Variants in NFATC1 observed in about 807,000 individuals in gnomAD.
NFATC1 encodes the protein nuclear factor of activated T-cells, cytoplasmic 1.
A neutral mutation model predicts 76.0 loss-of-function variants in NFATC1; 22 were observed. That is an observed-to-expected ratio of 0.29 (90% confidence interval 0.21 to 0.41). NFATC1 has a LOEUF of 0.41. Among genes scored for constraint, NFATC1 ranks in the 10% least tolerant of loss-of-function variants. The probability of loss-of-function intolerance (pLI) is 1.00; values close to 1 mark genes in which losing one functional copy is unlikely to be tolerated. For missense variants in NFATC1, 1,357 were observed against 1,337.7 expected, an observed-to-expected ratio of 1.01 and a Z score of -0.23; for synonymous variants, 704 against 613.1, an observed-to-expected ratio of 1.15 and a Z score of -2.19.
rs576276895 is a variant in NFATC1 at position 79,397,111 on chromosome 18, C to T, written c.127+760C>T. ...GCGCTGAGACCCCCCTGCGGCGCATCTCACATTCCAGTCCCCCACCTTAGC... is the reference window on the plus strand; with the variant it reads ...GCGCTGAGACCCCCCTGCGGCGCATTTCACATTCCAGTCCCCCACCTTAGC... On this transcript the variant is annotated intron_variant, in intron 1 of 9. Coordinates refer to ENST00000427363, the MANE Select transcript of NFATC1 (RefSeq NM_001278669.2). Among the ~76,000 whole-genome samples the T allele has an allele frequency of 4.6e-5, 7 of 152,262 alleles. No individual in the cohort carries two copies. In the South Asian group the frequency reaches 1.0e-3, roughly 23 times the overall value.
chr18:79,404,293 C>T (rs151287740), intron 1 of NFATC1, among the ~76,000 whole-genome samples: 27 of 152,278 alleles, frequency 1.8e-4, no homozygotes, highest in African/African-American at 5.8e-4. Flanking sequence ...TGCGCTGTGA[C>T]GAGGCCATCC....
At chr18:79,472,257 A>G (rs1158532493) in intron 8 of NFATC1, among the ~76,000 whole-genome samples, 1 of 152,126 alleles carries the variant, frequency 6.6e-6, no homozygotes, top group East Asian at 1.9e-4. Flanking sequence ...AGGCAGCAGA[A>G]CCGGCCCCTC....
chr18:79,516,785 G>A (rs574584343), intron 9 of NFATC1, among the ~76,000 whole-genome samples: 16 of 152,296 alleles, frequency 1.1e-4, no homozygotes, highest in African/African-American at 3.1e-4. Flanking sequence ...CACGATATAC[G>A]TACAGTGGAA....
chr18:79,437,570 G>A (rs751083845), intron 3 of NFATC1, among the ~76,000 whole-genome samples: 33 of 152,244 alleles, frequency 2.2e-4, no homozygotes, highest in Non-Finnish European at 4.3e-4. Flanking sequence ...AGCATTTCCA[G>A]TGAGGCATGA....
At chr18:79,488,666 C>T (rs978020158) in intron 9 of NFATC1, among the ~76,000 whole-genome samples, 1 of 152,242 alleles carries the variant, frequency 6.6e-6, no homozygotes. Context: ...CACAGATGGA[C>T]TCTGCCTTCC....
intron 9 of NFATC1, among the ~76,000 whole-genome samples, chr18:79,500,148 C>T (rs531950882): frequency 2.0e-5 from 3 of 152,090 alleles, no homozygotes; most frequent in Non-Finnish European, 2.9e-5. Context: ...CTACAGAGTG[C>T]ACATAGGATA....
chr18:79,473,571 GCGCT>G (rs2088878489), intron 8 of NFATC1, among the ~76,000 whole-genome samples: 4 of 127,270 alleles, frequency 3.1e-5, no homozygotes, highest in African/African-American at 9.4e-5. Context: ...GCGTGTTCTC[GCGCT>G]CACTGTCGAC....
rs959034445 is a variant in NFATC1, at chr18:79,454,187, C to T, written c.1903+2371C>T. On this transcript the variant is annotated intron_variant, in intron 6 of 9. Coordinates refer to ENST00000427363, the MANE Select transcript of NFATC1 (RefSeq NM_001278669.2). ...GTGGCTTCTCCAGGAAGGGCCCCTG[C>T]GTCTCTCGACTGTCCTGCTCATTCC... is the stretch of plus-strand genomic sequence containing the variant. 3.3e-5 allele frequency among the ~76,000 whole-genome samples: 5 copies of T among 152,290 alleles called. No individual in the cohort carries two copies. The East Asian group carries it at 7.7e-4, about 24-fold the overall frequency.
chr18:79,509,621 C>A (rs1158913074), intron 9 of NFATC1, among the ~76,000 whole-genome samples: 1 of 152,264 alleles, frequency 6.6e-6, no homozygotes, highest in Non-Finnish European at 1.5e-5. Flanking sequence ...GCAGTTTTGA[C>A]CACTTTGATT....
intron 2 of NFATC1, among the ~76,000 whole-genome samples, chr18:79,419,377 G>A (rs1453826612): frequency 6.6e-6 from 1 of 151,968 alleles, no homozygotes; most frequent in Admixed American, 6.5e-5. Flanking sequence ...CGAGTGCCCG[G>A]GAGCCCCCCT....
intron 1 of NFATC1, among the ~76,000 whole-genome samples, chr18:79,402,762 CCTTT>C (rs983127784): frequency 3.1e-4 from 47 of 152,310 alleles, no homozygotes; most frequent in African/African-American, 1.1e-3. Flanking sequence ...GCTGTTTTCT[CCTTT>C]CTTTTTATTA....
At chr18:79,527,324 G>A in intron 9 of NFATC1, 1 of 555,866 alleles carries the variant, frequency 1.8e-6, no homozygotes, top group Non-Finnish European at 3.2e-6. Context: ...CGGTCACTCT[G>A]GCGACCCCAG....
At chr18:79,521,554 G>A (rs1394059396) in intron 9 of NFATC1, among the ~76,000 whole-genome samples, 2 of 111,684 alleles carry the variant, frequency 1.8e-5, no homozygotes, top group African/African-American at 3.5e-5. Context: ...TGTGTGGGGG[G>A]GCATCCACTG....
At chr18:79,483,961 GGTGACCTGGTCCTGAGGTGTCACTCCAGC>G (rs1569018891) in intron 8 of NFATC1, among the ~76,000 whole-genome samples, 3 of 134,372 alleles carry the variant, frequency 2.2e-5, no homozygotes, top group African/African-American at 5.8e-5. Context: ...GTCACTCCAG[GGTGACCTGGTCCTGAGGTGTCACTCCAGC>G]GTGACCTGGT....
intron 1 of NFATC1, among the ~76,000 whole-genome samples, chr18:79,400,658 C>T (rs1179618126): frequency 2.2e-5 from 3 of 135,208 alleles, no homozygotes; most frequent in Non-Finnish European, 3.2e-5. Context: ...GGATGCGGTT[C>T]CTCCGAGCGC....
At chr18:79,405,360 G>A (rs1042095989) in intron 1 of NFATC1, among the ~76,000 whole-genome samples, 5 of 152,244 alleles carry the variant, frequency 3.3e-5, no homozygotes, top group African/African-American at 4.8e-5. Flanking sequence ...TGGGGTCACC[G>A]AGCTCTGTGG....
intron 9 of NFATC1, among the ~76,000 whole-genome samples, chr18:79,526,362 C>T (rs969034624): frequency 1.9e-4 from 29 of 152,266 alleles, no homozygotes; most frequent in Admixed American, 5.9e-4. Context: ...TGCCAGGTCC[C>T]GTCTTGGGCA....
In NFATC1 at chr18:79,448,974, A is replaced by T. The variant is rs760762417; in HGVS notation, c.1579A>T (p.Met527Leu). The change falls in exon 4 of 10, where the codon ATG becomes TTG. Residue 527 changes from methionine to leucine, a missense_variant. Met to Leu is a conservative substitution (Grantham distance 15). Transcript: ENST00000427363. ...LEIPLLPENS[M>L]RAVIDCAGIL... ...GATCCCACTCCTGCCGGAGAACAGCATGCGAGCCGTGTAAGCCGCGGGGGA... is the reference window on the plus strand; with the variant it reads ...GATCCCACTCCTGCCGGAGAACAGCTTGCGAGCCGTGTAAGCCGCGGGGGA... 61 of 1,613,012 alleles carry T rather than the reference A, an allele frequency of 3.8e-5. No individual in the cohort carries two copies. The highest frequency in any genetic ancestry group is 5.0e-5 in the Admixed American group (3 of 60,006).
intron 8 of NFATC1, among the ~76,000 whole-genome samples, chr18:79,473,582 CG>C (rs2088880237): frequency 6.8e-6 from 1 of 146,900 alleles, no homozygotes; most frequent in Non-Finnish European, 1.5e-5. Context: ...CGCTCACTGT[CG>C]ACGTTGTAAA....
Sources: gnomAD v4.1 joint callset for allele counts (sites outside exome capture counted in the v4.1 genomes callset) on GRCh38, gnomAD v4.1.1 for gene constraint, MANE v1.5 for transcripts, NCBI Gene and HGNC (gene_info 2026-07-23, HGNC 2026-07-21) for gene names.